INPP5D: variants seen among roughly 807,000 people sequenced by gnomAD.
INPP5D encodes phosphatidylinositol 3,4,5-trisphosphate 5-phosphatase 1.
In INPP5D, 33 loss-of-function variants were observed where a neutral mutation model predicts 122.9. The ratio of observed to expected loss-of-function variants is 0.27; its 90% CI spans 0.20 to 0.36. The LOEUF is 0.36. Among genes scored for constraint, INPP5D ranks in the 10% least tolerant of loss-of-function variants. The probability of loss-of-function intolerance (pLI) is 1.00; values close to 1 mark genes in which losing one functional copy is unlikely to be tolerated. For missense variants in INPP5D, 1,053 were observed against 1,412.7 expected (o/e 0.75, Z 4.08); for synonymous variants, 584 against 576.2 (o/e 1.01, Z -0.19).
chr2:233,119,303 A>G (rs1450969025), intron 2 of INPP5D, among the ~76,000 whole-genome samples: 1 of 152,070 alleles, frequency 6.6e-6, no homozygotes, highest in African/African-American at 2.4e-5. Context: ...CATGCTCTTA[A>G]TGGCTTGTCA....
At chr2:233,196,202 C>T (rs1394409164) in intron 24 of INPP5D, among the ~76,000 whole-genome samples, 1 of 152,122 alleles carries the variant, frequency 6.6e-6, no homozygotes, top group East Asian at 1.9e-4. Context: ...ACAGAGAAAC[C>T]CAGGACACAG....
chr2:233,122,060 AT>A (rs1265488322), intron 2 of INPP5D, 46 bp from the exon 3 acceptor site: 2 of 1,604,522 alleles, frequency 1.2e-6, no homozygotes, highest in Non-Finnish European at 1.7e-6. Context: ...GTTGGCTGAC[AT>A]TCTAGTTGGT....
At chr2:233,133,067 G>T (rs1361141239) in intron 5 of INPP5D, among the ~76,000 whole-genome samples, 2 of 151,688 alleles carry the variant, frequency 1.3e-5, no homozygotes, top group African/African-American at 4.8e-5. Flanking sequence ...GGAGAAGCTG[G>T]GACTACAGGT....
At chr2:233,135,881 G>A (rs1693454207) in intron 5 of INPP5D, among the ~76,000 whole-genome samples, 1 of 152,130 alleles carries the variant, frequency 6.6e-6, no homozygotes, top group African/African-American at 2.4e-5. Context: ...GCAGCTTACT[G>A]AGCAGCAAAA....
At chr2:233,109,744 A>ATTT (rs1172362117) in intron 2 of INPP5D, among the ~76,000 whole-genome samples, 2 of 131,628 alleles carry the variant, frequency 1.5e-5, no homozygotes, top group South Asian at 2.4e-4. Context: ...ACGCCCAGCT[A>ATTT]TTTTTTTTTT....
intron 2 of INPP5D, among the ~76,000 whole-genome samples, chr2:233,109,612 C>T (rs1692559461): frequency 6.6e-6 from 1 of 152,024 alleles, no homozygotes; most frequent in Non-Finnish European, 1.5e-5. Context: ...GGAATCTCGC[C>T]CTGTTACCCA....
intron 17 of INPP5D, among the ~76,000 whole-genome samples, chr2:233,176,254 T>C (rs1452739257): frequency 6.6e-6 from 1 of 151,902 alleles, no homozygotes; most frequent in Non-Finnish European, 1.5e-5. Flanking sequence ...AGATACTGTT[T>C]GAGTGATTGG....
intron 21 of INPP5D, among the ~76,000 whole-genome samples, chr2:233,187,415 T>G (rs1694949535): frequency 6.6e-6 from 1 of 152,012 alleles, no homozygotes; most frequent in African/African-American, 2.4e-5. Flanking sequence ...CCCTAGGAGA[T>G]TCCCTCAGAG....
chr2:233,191,644 C>T (rs1216043572), intron 22 of INPP5D, among the ~76,000 whole-genome samples: 3 of 152,082 alleles, frequency 2.0e-5, no homozygotes, highest in East Asian at 1.9e-4. Flanking sequence ...AAAGACCAAG[C>T]GTCTCTTAGA....
At chr2:233,175,397 G>A (rs927844472) in intron 17 of INPP5D, among the ~76,000 whole-genome samples, 13 of 152,096 alleles carry the variant, frequency 8.5e-5, no homozygotes, top group African/African-American at 3.1e-4. Context: ...TATCTACTGA[G>A]TGAGTCCATT....
chr2:233,169,877 T>A (rs770623494), intron 14 of INPP5D, 149 bp from the exon 15 acceptor site: 111 of 1,451,362 alleles, frequency 7.6e-5, no homozygotes, highest in Non-Finnish European at 9.8e-5. Context: ...CACTAAGGAG[T>A]TCTGCTGCAG....
Position 233,182,466 on chromosome 2 carries a change from G to T in INPP5D, c.2128G>T (p.Ala710Ser). Residue 710 changes from alanine (A) to serine (S), a missense_variant, in exon 19 of 27, where the codon GCA becomes TCA. Ala to Ser is a moderately conservative substitution (Grantham distance 99). This residue lies in a region of INPP5D where 258 missense variants were observed against 439.1 expected (regional missense o/e 0.59). Transcript: ENST00000445964. The stretch of plus-strand genomic sequence containing the variant: ...CAGCCCTGTCTTTGCCACATTTGAG[G>T]CAGGAGTCACTTCCCAGTTTGTCTC... ...DHSPVFATFE[A>S]GVTSQFVSKN... 1 of 1,613,682 alleles carries T rather than the reference G, an allele frequency of 6.2e-7. No individual in the cohort carries two copies. The highest frequency in any genetic ancestry group is 8.5e-7 in the Non-Finnish European group (1 of 1,179,696).
rs144083115 is a variant in INPP5D at position 233,183,904 on chromosome 2, G to A, written c.2162-504G>A. ...GCTTAAGGATGCTTGCAAAAGCATC[G>A]TCTAAATTAATACAGTTGCAGGCAA... On this transcript the variant is annotated intron_variant, in intron 19 of 26. Transcript: ENST00000445964. This position sits in a 1 kb window ranked among gnomAD's most constrained non-coding sequence, Gnocchi z 4.6. 1.1e-4 allele frequency among the ~76,000 whole-genome samples: 16 copies of A among 152,312 alleles called. No individual in the cohort carries two copies. Among genetic ancestry groups the A allele is most frequent in the East Asian group, 7.7e-4 (4 of 5,188 alleles).
intron 1 of INPP5D, among the ~76,000 whole-genome samples, chr2:233,067,345 T>G (rs919061360): frequency 6.6e-6 from 1 of 152,226 alleles, no homozygotes; most frequent in Non-Finnish European, 1.5e-5. Flanking sequence ...CACAATGCTG[T>G]CAAGCTTCAT....
At chr2:233,147,949 A>G (rs993332334) in intron 9 of INPP5D, among the ~76,000 whole-genome samples, 1 of 152,260 alleles carries the variant, frequency 6.6e-6, no homozygotes, top group Non-Finnish European at 1.5e-5. Flanking sequence ...GACCTGGGAC[A>G]TGTCATGACC....
intron 6 of INPP5D, among the ~76,000 whole-genome samples, chr2:233,144,857 T>G (rs1476868277): frequency 1.3e-5 from 2 of 151,980 alleles, no homozygotes; most frequent in Non-Finnish European, 2.9e-5. Context: ...NCAGTGCCAT[T>G]GATCATTGTG....
At chr2:233,185,284 T>C (rs200452060) in intron 20 of INPP5D, among the ~76,000 whole-genome samples, 2 of 40,558 alleles carry the variant, frequency 4.9e-5, no homozygotes, top group African/African-American at 1.1e-4. Flanking sequence ...CCTGCCTCCT[T>C]CTCCAACTGA....
At chr2:233,198,024 T>C in intron 24 of INPP5D, 71 bp from the exon 25 acceptor site, 1 of 1,460,370 alleles carries the variant, frequency 6.8e-7, no homozygotes, top group Non-Finnish European at 9.0e-7. Context: ...CAGAGGACAC[T>C]TTCCTTGGGC....
At chr2:233,146,650 G>A (rs1308588831) in intron 8 of INPP5D, among the ~76,000 whole-genome samples, 7 of 152,218 alleles carry the variant, frequency 4.6e-5, no homozygotes, top group Admixed American at 2.6e-4. Context: ...AATCCCCTTC[G>A]GAGGGAAGCT....
Sources: allele counts gnomAD v4.1 joint callset (sites outside exome capture counted in the v4.1 genomes callset), GRCh38; gene constraint gnomAD v4.1.1; regional missense constraint gnomAD v4.1.1; non-coding constraint Gnocchi (gnomAD v3.1); transcripts MANE v1.5; gene names NCBI Gene and HGNC (gene_info 2026-07-23, HGNC 2026-07-21).